Variants in RSL1D1 observed in about 807,000 individuals in gnomAD.
The protein encoded by RSL1D1 is ribosomal L1 domain containing 1, also known as ribosomal L1 domain-containing protein 1.
A neutral mutation model predicts 44.6 loss-of-function variants in RSL1D1; 34 were observed. The ratio of observed to expected loss-of-function variants is 0.76; its 90% CI spans 0.58 to 1.02. The LOEUF (loss-of-function observed/expected upper bound fraction) is 1.02. Ranked by LOEUF, RSL1D1 falls within the 50% of genes least tolerant of loss-of-function variation. The pLI is 0.00. For synonymous variants in RSL1D1, 271 were observed against 207.4 expected (o/e 1.31, Z -2.63); for missense variants, 767 against 568.1 (o/e 1.35, Z -3.56).
intron 7 of RSL1D1, among the ~76,000 whole-genome samples, chr16:11,840,546 C>T (rs1025517396): frequency 3.3e-5 from 5 of 151,968 alleles, no homozygotes; most frequent in East Asian, 1.9e-4. Flanking sequence ...TCAGCCTGGG[C>T]GACAGAGTGA....
chr16:11,837,592 C>A lies in RSL1D1; in HGVS notation c.*195G>T. ...TCTCGATCTCGTTGACCTTGTGATC[C>A]GCCTGCCTCGGCCTCCCAAAGTGCT... On this transcript the variant is annotated 3_prime_UTR_variant, in exon 9 of 9. Transcript: ENST00000571133. The A allele has an allele frequency of 3.8e-6, 2 of 530,764 alleles. No homozygotes were observed. Among genetic ancestry groups the A allele is most frequent in the Non-Finnish European group, 6.7e-6 (2 of 299,014 alleles). 32.9% of individuals were successfully genotyped at this position (530,764 alleles called of 1,614,324 possible). A position where few individuals can be genotyped will look rare whatever the true frequency, so the allele number is the denominator to read the frequency against.
chr16:11,839,526 TAAAAAAAAAAA>T (rs55657359), intron 8 of RSL1D1, among the ~76,000 whole-genome samples, 158 bp downstream of exon 8: 2 of 121,424 alleles, frequency 1.6e-5, no homozygotes, highest in Non-Finnish European at 3.4e-5. Context: ...AGATCCCATC[TAAAAAAAAAAA>T]AAAAAAAAAG....
At chr16:11,845,151 G>A (rs2053788519) in intron 5 of RSL1D1, among the ~76,000 whole-genome samples, 1 of 152,148 alleles carries the variant, frequency 6.6e-6, no homozygotes, top group African/African-American at 2.4e-5. Flanking sequence ...GTAATATGGT[G>A]CTTTTAAAGG....
chr16:11,845,765 A>G (rs2053793335), intron 5 of RSL1D1, among the ~76,000 whole-genome samples: 1 of 151,616 alleles, frequency 6.6e-6, no homozygotes, highest in African/African-American at 2.4e-5. Flanking sequence ...TCTGTCATTC[A>G]GACTGGAGAA....
In RSL1D1 at chr16:11,837,967, C is replaced by G; in HGVS notation, c.1293G>C (p.Lys431Asn). The change falls in exon 9 of 9, where the codon AAG becomes AAC. Residue 431 changes from lysine (K) to asparagine (N), a missense_variant. Lys to Asn is a moderately conservative substitution (Grantham distance 94). Transcript: ENST00000571133. The part of the protein sequence containing the change: ...SETPGKSPEK[K>N]PKIKEEAVKE... ...TCACTGCCTCTTCTTTGATTTTTGG[C>G]TTCTTCTCTGGGCTTTTCCCTGGGG... 1.2e-6 allele frequency: 2 copies of G among 1,613,674 alleles called. No individual in the cohort carries two copies. Among genetic ancestry groups the G allele is most frequent in the Non-Finnish European group, 1.7e-6 (2 of 1,179,990 alleles).
At position 11,848,502 on chromosome 16, in the gene RSL1D1, G is replaced by A. The variant is rs543153147; in HGVS notation, c.246-696C>T. ...AATTTTACCTTCTTTAAAACTCTTA[G>A]CTCCATAAACATAATAACTCTTTCT... is the stretch of plus-strand genomic sequence containing the variant. On this transcript the variant is annotated intron_variant, in intron 2 of 8. Coordinates refer to ENST00000571133, the MANE Select transcript of RSL1D1 (RefSeq NM_015659.3). Among the ~76,000 whole-genome samples, 4 of 152,258 alleles carry A rather than the reference G, an allele frequency of 2.6e-5. No homozygotes were observed. The South Asian group carries it at 8.3e-4, about 32-fold the overall frequency.
chr16:11,846,972 C>G (rs1019813), intron 3 of RSL1D1, 129 bp from the exon 4 acceptor site: 3 of 783,056 alleles, frequency 3.8e-6, no homozygotes, highest in South Asian at 3.5e-5. Flanking sequence ...TTAATGAACA[C>G]TTGAGGGCCT....
In RSL1D1 at chr16:11,847,749, A is replaced by C; in HGVS notation, c.303T>G (p.Asp101Glu). The C allele has an allele frequency of 1.2e-6, 2 of 1,613,306 alleles. No individual in the cohort carries two copies. Among genetic ancestry groups the C allele is most frequent in the Non-Finnish European group, 1.7e-6 (2 of 1,179,302 alleles). The change falls in exon 3 of 9, where the codon GAT (aspartate) becomes GAG (glutamate). Residue 101 changes from aspartate (D) to glutamate (E), a missense_variant. Physicochemically the swap from Asp to Glu is conservative, Grantham distance 45. Coordinates refer to ENST00000571133, the MANE Select transcript of RSL1D1 (RefSeq NM_015659.3). ...DSEDICLFTK[D>E]EPNSTPEKTE... is the part of the protein sequence containing the mutation. The stretch of plus-strand genomic sequence containing the variant: ...TCTTTTCAGGAGTTGAATTGGGTTC[A>C]TCCTTCGTAAATAAACAGATATCTT...
Position 11,837,659 on chromosome 16 carries a change from A to G in RSL1D1, c.*128T>C. The G allele has an allele frequency of 1.1e-6, 1 of 884,154 alleles. No homozygotes were observed. The highest frequency in any genetic ancestry group is 1.7e-5 in the South Asian group (1 of 59,070). 54.8% of individuals were successfully genotyped at this position (884,154 alleles called of 1,614,324 possible). ...GCCACCGCCCCTGGACTACTTATGGAGGTTTTAAAAAATCTTTTAAGTCCA... is the reference window on the plus strand; with the variant it reads ...GCCACCGCCCCTGGACTACTTATGGGGGTTTTAAAAAATCTTTTAAGTCCA... On this transcript the variant is annotated 3_prime_UTR_variant, in exon 9 of 9. Coordinates refer to ENST00000571133, the MANE Select transcript of RSL1D1 (RefSeq NM_015659.3).
Position 11,841,445 on chromosome 16 carries a change from TA to T in RSL1D1, c.855+249del, listed in dbSNP as rs137862684. On this transcript the variant is annotated intron_variant, in intron 7 of 8. Transcript: ENST00000571133. Reference sequence around the variant, plus strand: ...CAGCAAGCACTGGATCTAACAAAAATAAAAAAAAAATCCAATTTATCAATAA... The same window carrying T: ...CAGCAAGCACTGGATCTAACAAAAATAAAAAAAAATCCAATTTATCAATAA... The T allele has an allele frequency of 9.7e-3, 3,140 of 322,450 alleles. 49 individuals are homozygous for T. The highest frequency in any genetic ancestry group is 0.047 in the African/African-American group (2,116 of 45,418). 20.0% of individuals were successfully genotyped at this position (322,450 alleles called of 1,614,324 possible).
Position 11,834,714 on chromosome 16 carries a change from G to A in RSL1D1, c.*3073C>T, listed in dbSNP as rs138834076. 109 of 152,338 alleles carry A rather than the reference G, an allele frequency of 7.2e-4. No individual in the cohort carries two copies. Among genetic ancestry groups the A allele is most frequent in the African/African-American group, 2.5e-3 (105 of 41,588 alleles). The allele number at this position is 152,338 out of a possible 1,614,324, so 9.4% of individuals were successfully genotyped here. ...TAAGCTAAACCCCCACATTTTAGAT[G>A]TATATTCATTTATAGAAGCCCAAAA... On this transcript the variant is annotated 3_prime_UTR_variant, in exon 9 of 9. Transcript: ENST00000571133.
intron 1 of RSL1D1, 72 bp downstream of exon 1, chr16:11,851,336 G>T: frequency 7.0e-7 from 1 of 1,436,376 alleles, no homozygotes; most frequent in Non-Finnish European, 9.8e-7. Context: ...ACGCACTCGG[G>T]TTCCGGCACC....
rs766209121 is a variant in RSL1D1 at position 11,846,856 on chromosome 16, G to C, written c.385-13C>G. On this transcript the variant is annotated splice_polypyrimidine_tract_variant and intron_variant, in intron 3 of 8. Coordinates refer to ENST00000571133, the MANE Select transcript of RSL1D1 (RefSeq NM_015659.3). Reference sequence around the variant, plus strand: ...GGAGGGAGATAATCTAGGAAGTATAGAGAAGAATAAAAACAAGAAGTTAGG... The same window carrying C: ...GGAGGGAGATAATCTAGGAAGTATACAGAAGAATAAAAACAAGAAGTTAGG... 4.4e-5 allele frequency: 69 copies of C among 1,581,908 alleles called. No homozygotes were observed. The East Asian group carries it at 6.7e-4, about 15-fold the overall frequency.
At position 11,837,577 on chromosome 16, in the gene RSL1D1, G is replaced by A. The variant is rs187184128; in HGVS notation, c.*210C>T. ...TGTTGGCCAGGATGGTCTCGATCTC[G>A]TTGACCTTGTGATCCGCCTGCCTCG... On this transcript the variant is annotated 3_prime_UTR_variant, in exon 9 of 9. Coordinates refer to ENST00000571133, the MANE Select transcript of RSL1D1 (RefSeq NM_015659.3). The A allele has an allele frequency of 4.6e-5, 23 of 499,118 alleles. No homozygotes were observed. In the Middle Eastern group the frequency reaches 1.6e-3, roughly 35 times the overall value. 30.9% of individuals were successfully genotyped at this position (499,118 alleles called of 1,614,324 possible).
chr16:11,838,869 C>CA (rs1020441220), intron 8 of RSL1D1, among the ~76,000 whole-genome samples: 1 of 138,194 alleles, frequency 7.2e-6, no homozygotes, highest in East Asian at 2.1e-4. Context: ...AAAAAAAAAA[C>CA]AAAAAAAAAC....
At chr16:11,846,883 A>G in intron 3 of RSL1D1, 40 bp from the exon 4 acceptor site, 1 of 1,527,800 alleles carries the variant, frequency 6.5e-7, no homozygotes, top group Non-Finnish European at 9.0e-7. Flanking sequence ...GAAGTTAGGA[A>G]TCTAAACAAG....
rs2053734447 is a variant in RSL1D1, at chr16:11,837,999, A to G, written c.1261T>C (p.Ser421Pro). The G allele has an allele frequency of 2.5e-6, 4 of 1,612,696 alleles. No individual in the cohort carries two copies. In the South Asian group the frequency reaches 3.3e-5, roughly 13 times the overall value. ...PASETPKAAESETPGKSPEKK... is the reference protein window; with the variant it reads ...PASETPKAAEPETPGKSPEKK... The stretch of plus-strand genomic sequence containing the variant: ...TCTGGGCTTTTCCCTGGGGTCTCAG[A>G]CTCTGCAGCTTTTGGGGTCTCAGAT... The change falls in exon 9 of 9, where the codon TCT (serine) becomes CCT (proline). Residue 421 changes from serine to proline, a missense_variant. Transcript: ENST00000571133.
chr16:11,851,329 C>G, intron 1 of RSL1D1, 79 bp downstream of exon 1: 1 of 1,331,634 alleles, frequency 7.5e-7, no homozygotes, highest in South Asian at 1.2e-5. Flanking sequence ...GCCGAGCACG[C>G]ACTCGGGTTC....
chr16:11,850,234 T>A (rs1406924235), intron 2 of RSL1D1, 45 bp downstream of exon 2: 9 of 1,530,134 alleles, frequency 5.9e-6, no homozygotes, highest in Non-Finnish European at 6.1e-6. Flanking sequence ...TTACAAAGAA[T>A]AAACACACAG....
Sources: gnomAD v4.1 joint callset for allele counts (sites outside exome capture counted in the v4.1 genomes callset) on GRCh38, gnomAD v4.1.1 for gene constraint, MANE v1.5 for transcripts, NCBI Gene and HGNC (gene_info 2026-07-23, HGNC 2026-07-21) for gene names.